The following DCTN1 variants were observed in gnomAD, a reference collection of about 807,000 sequenced individuals.
DCTN1 encodes the protein dynactin subunit 1.
In DCTN1, 61 loss-of-function variants were observed where a neutral mutation model predicts 161.2. That is an observed-to-expected ratio of 0.38 (90% CI 0.31 to 0.47). The LOEUF is 0.47. Ranked by LOEUF, DCTN1 falls within the 20% of genes least tolerant of loss-of-function variation. DCTN1 has a pLI of 0.99. For missense variants in DCTN1, 1,404 were observed against 1,623.7 expected, an observed-to-expected ratio of 0.86 and a Z score of 2.33; for synonymous variants, 653 against 632.4, an observed-to-expected ratio of 1.03 and a Z score of -0.49.
At position 74,377,470 on chromosome 2, in the gene DCTN1, T is replaced by C. The variant is rs754070367; in HGVS notation, c.359-4A>G. On this transcript the variant is annotated splice_polypyrimidine_tract_variant and splice_region_variant and intron_variant, in intron 3 of 31. Coordinates refer to ENST00000628224, the MANE Select transcript of DCTN1 (RefSeq NM_004082.5). ...TTTGCAGTTGTATCAGTTCCCTCTG[T>C]AGAAAGCAAACAGAAACAAAGTGTG... 2.0e-5 allele frequency: 33 copies of C among 1,613,064 alleles called. No individual in the cohort carries two copies. The highest frequency in any genetic ancestry group is 2.7e-5 in the Non-Finnish European group (32 of 1,179,106).
At position 74,379,718 on chromosome 2, in the gene DCTN1, A is replaced by AT. The variant is rs1348787720; in HGVS notation, c.33+286dup. 2.0e-5 allele frequency among the ~76,000 whole-genome samples: 3 copies of AT among 152,128 alleles called. No individual in the cohort carries two copies. The East Asian group carries it at 5.8e-4, about 29-fold the overall frequency. On this transcript the variant is annotated intron_variant, in intron 1 of 31. Coordinates refer to ENST00000628224, the MANE Select transcript of DCTN1 (RefSeq NM_004082.5). ...AAGACCTCTCTGAGCCATCATCCCC[A>AT]TTCTGAGTCCCCAGGATAGTCTGGA... is the stretch of plus-strand genomic sequence containing the variant.
At chr2:74,388,154 A>G (rs1573191209) in intron 1 of DCTN1, among the ~76,000 whole-genome samples, 1 of 152,110 alleles carries the variant, frequency 6.6e-6, no homozygotes, top group Non-Finnish European at 1.5e-5. Flanking sequence ...CCAAAATCTC[A>G]CCACCACACT....
chr2:74,365,445 G>T, intron 25 of DCTN1, 70 bp downstream of exon 25: 1 of 1,610,104 alleles, frequency 6.2e-7, no homozygotes, highest in East Asian at 2.2e-5. Context: ...GTAGGGGTAT[G>T]GGTTAGGAGG....
chr2:74,378,152 T>C lies in DCTN1; in HGVS notation c.127A>G (p.Thr43Ala). Residue 43 changes from threonine (T) to alanine (A), a missense_variant, in exon 2 of 32, where the codon ACT (threonine) becomes GCT (alanine). Physicochemically the swap from Thr to Ala is moderately conservative, Grantham distance 58 (BLOSUM62 0). Coordinates refer to ENST00000628224, the MANE Select transcript of DCTN1 (RefSeq NM_004082.5). Reference protein sequence around the residue: ...VEVIGKGHRGTVAYVGATLFA... With the variant: ...VEVIGKGHRGAVAYVGATLFA... ...AGTGTGGCTCCAACATAGGCCACAG[T>C]GCCTCGGTGGCCTTTTCCAATCACC... 5.0e-6 allele frequency: 8 copies of C among 1,614,262 alleles called. No homozygotes were observed. The highest frequency in any genetic ancestry group is 6.8e-6 in the Non-Finnish European group (8 of 1,180,054).
chr2:74,374,186 C>G (rs964359356), intron 6 of DCTN1, 137 bp downstream of exon 6: 6 of 884,194 alleles, frequency 6.8e-6, no homozygotes, highest in Non-Finnish European at 1.1e-5. Context: ...ACACCTCTCC[C>G]TAACCCACCT....
chr2:74,384,532 T>A (rs1193422555), upstream of DCTN1, among the ~76,000 whole-genome samples: 3 of 152,150 alleles, frequency 2.0e-5, no homozygotes, highest in Non-Finnish European at 4.4e-5. Context: ...GGGAAAAATC[T>A]CTGTGTCTGA....
chr2:74,369,377 C>T lies in DCTN1; in HGVS notation c.1507G>A (p.Val503Met), dbSNP rs1674660475. The T allele has an allele frequency of 6.2e-7, 1 of 1,614,206 alleles. No homozygotes were observed. The highest frequency in any genetic ancestry group is 8.5e-7 in the Non-Finnish European group (1 of 1,180,040). ...GCAACCGTCTCCTGGGCTGCCTCCA[C>T]ACGCTTCTGGGCCTCACGAACCCGC... ...GARVREAQKR[V>M]EAAQETVADY... is the part of the protein sequence containing the mutation. Residue 503 changes from valine (V) to methionine (M), a missense_variant, in exon 14 of 32, where the codon GTG (valine) becomes ATG (methionine). Val to Met is a conservative substitution (Grantham distance 21). This residue lies in a region of DCTN1 where 278 missense variants were observed against 363.8 expected (regional missense o/e 0.76). Coordinates refer to ENST00000628224, the MANE Select transcript of DCTN1 (RefSeq NM_004082.5). The surrounding 1 kb of genome is among the most constrained non-coding windows in gnomAD (Gnocchi z 4.9).
rs151278493 is a variant in DCTN1, at chr2:74,370,399, C to T, written c.1128-54G>A. ...GGAAAGCACGTGTCAGAGTCTCTGG[C>T]GATGGGTGCTCTAACACATTTGGAG... On this transcript the variant is annotated intron_variant, in intron 11 of 31. Coordinates refer to ENST00000628224, the MANE Select transcript of DCTN1 (RefSeq NM_004082.5). This position sits in a 1 kb window ranked among gnomAD's most constrained non-coding sequence, Gnocchi z 4.4. The T allele has an allele frequency of 5.6e-6, 9 of 1,613,886 alleles. No homozygotes were observed. The highest frequency in any genetic ancestry group is 5.0e-5 in the Admixed American group (3 of 59,998).
chr2:74,369,938 G>C lies in DCTN1; in HGVS notation c.1392+27C>G, dbSNP rs1674711457. 6.2e-7 allele frequency: 1 copy of C among 1,606,388 alleles called. No homozygotes were observed. The highest frequency in any genetic ancestry group is 1.7e-5 in the Admixed American group (1 of 59,966). On this transcript the variant is annotated intron_variant, in intron 13 of 31. Coordinates refer to ENST00000628224, the MANE Select transcript of DCTN1 (RefSeq NM_004082.5). This position sits in a 1 kb window ranked among gnomAD's most constrained non-coding sequence, Gnocchi z 4.9. ...TCTTTTTCTCAGCAGGTCCAAGTCA[G>C]ATGTCAGGGGTCTGCTCTTCTCTTA...
intron 31 of DCTN1, 137 bp from the exon 32 acceptor site, chr2:74,361,773 C>T (rs1197460897): frequency 3.6e-6 from 4 of 1,115,960 alleles, no homozygotes; most frequent in Non-Finnish European, 5.3e-6. Context: ...CTATTGTGAC[C>T]ACATTTTTCA....
chr2:74,385,967 GTC>G (rs2103764430), intron 1 of DCTN1, among the ~76,000 whole-genome samples: 1 of 152,294 alleles, frequency 6.6e-6, no homozygotes, highest in Admixed American at 6.5e-5. Context: ...CAGGGACAAG[GTC>G]TCTCTTCTTA....
upstream of DCTN1, chr2:74,380,547 A>G (rs1675470293): frequency 2.1e-6 from 1 of 472,056 alleles, no homozygotes; most frequent in Non-Finnish European, 4.4e-6. Context: ...GCAGGCCCAT[A>G]AGCATCAAGT....
In DCTN1 at chr2:74,370,007, C is replaced by T. The variant is rs762027659; in HGVS notation, c.1350G>A (p.Leu450=). 2 of 1,614,152 alleles carry T rather than the reference C, an allele frequency of 1.2e-6. No individual in the cohort carries two copies. Among genetic ancestry groups the T allele is most frequent in the South Asian group, 1.1e-5 (1 of 91,072 alleles). Reference sequence around the variant, plus strand: ...CCCTCAACTCGCGCACTTTCTCTTCCAGATTCAGGTTCCGATCTGTCAGCA... The same window carrying T: ...CCCTCAACTCGCGCACTTTCTCTTCTAGATTCAGGTTCCGATCTGTCAGCA... ...VEMLTDRNLN[L]EEKVRELRET... is the part of the protein sequence containing the mutation. The change falls in exon 13 of 32, where the codon CTG becomes CTA. Residue 450 remains leucine (L), a synonymous_variant. Coordinates refer to ENST00000628224, the MANE Select transcript of DCTN1 (RefSeq NM_004082.5). This position sits in a 1 kb window ranked among gnomAD's most constrained non-coding sequence, Gnocchi z 4.4.
At chr2:74,374,522 C>G in intron 5 of DCTN1, 182 bp from the exon 6 acceptor site, 1 of 1,428,464 alleles carries the variant, frequency 7.0e-7, no homozygotes, top group Admixed American at 2.1e-5. Context: ...GTCTCAGCCT[C>G]CCGGTGCGGC....
At chr2:74,390,600 A>G (rs1302378684) in intron 1 of DCTN1, 2 of 467,646 alleles carry the variant, frequency 4.3e-6, no homozygotes, top group African/African-American at 4.0e-5. Flanking sequence ...GCCTGGACAG[A>G]TAAAGTGACT....
intron 26 of DCTN1, chr2:74,364,760 C>T (rs1325025622): frequency 7.2e-6 from 3 of 415,110 alleles, no homozygotes; most frequent in Non-Finnish European, 1.4e-5. Flanking sequence ...TGGCTGACAA[C>T]CCTCTGGGAT....
chr2:74,375,981 C>A (rs1223331392), intron 5 of DCTN1, among the ~76,000 whole-genome samples: 1 of 152,192 alleles, frequency 6.6e-6, no homozygotes, highest in East Asian at 1.9e-4. Context: ...ACAGGCCAGA[C>A]AGGCACATGC....
chr2:74,371,233 C>A, intron 8 of DCTN1, 57 bp from the exon 9 acceptor site: 1 of 1,608,180 alleles, frequency 6.2e-7, no homozygotes, highest in Non-Finnish European at 8.5e-7. Context: ...TCCACCAACA[C>A]TGAGCTGGCG....
chr2:74,368,003 G>A lies in DCTN1; in HGVS notation c.1983C>T (p.Ser661=). The A allele has an allele frequency of 2.5e-6, 4 of 1,614,202 alleles. No homozygotes were observed. Among genetic ancestry groups the A allele is most frequent in the Non-Finnish European group, 3.4e-6 (4 of 1,180,044 alleles). ...AGCGGTGTAGCGTGGCCTGCAGCAG[G>A]CTCAGCGAGTACACCAGTCCAGCAG... The part of the protein sequence containing the change: ...SFAAGLVYSL[S]LLQATLHRYE... Residue 661 remains serine (S), a synonymous_variant, in exon 17 of 32, where the codon AGC becomes AGT. Coordinates refer to ENST00000628224, the MANE Select transcript of DCTN1 (RefSeq NM_004082.5).
Sources: allele counts gnomAD v4.1 joint callset (sites outside exome capture counted in the v4.1 genomes callset), GRCh38; gene constraint gnomAD v4.1.1; regional missense constraint gnomAD v4.1.1; non-coding constraint Gnocchi (gnomAD v3.1); transcripts MANE v1.5; gene names NCBI Gene and HGNC (gene_info 2026-07-23, HGNC 2026-07-21).